Variants in SHANK2 observed in about 807,000 individuals in gnomAD.
SHANK2 encodes the protein SH3 and multiple ankyrin repeat domains protein 2.
A neutral mutation model predicts 133.7 loss-of-function variants in SHANK2; 43 were observed. The ratio of observed to expected loss-of-function variants is 0.32; its 90% confidence interval spans 0.25 to 0.41. The LOEUF (loss-of-function observed/expected upper bound fraction) is 0.41, where lower values mean the gene tolerates loss of function less well. Ranked by LOEUF, SHANK2 falls within the 10% of genes least tolerant of loss-of-function variation. The pLI, the probability that SHANK2 is intolerant of heterozygous loss-of-function variation, is 1.00. For missense variants in SHANK2, 1,994 were observed against 2,235.8 expected, an observed-to-expected ratio of 0.89 and a Z score of 2.18; for synonymous variants, 1,017 against 952.8, an observed-to-expected ratio of 1.07 and a Z score of -1.24.
intron 14 of SHANK2, among the ~76,000 whole-genome samples, chr11:70,781,584 T>TATATATATATA (rs1565311807): frequency 1.4e-4 from 2 of 14,502 alleles, no homozygotes; most frequent in African/African-American, 3.3e-4. Context: ...ATATATATAT[T>TATATATATATA]TACTTATTTA....
rs1555148581 is a variant in SHANK2, at chr11:70,471,693, A to G, written c.*1176T>C. On this transcript the variant is annotated 3_prime_UTR_variant, in exon 26 of 26. Transcript: ENST00000601538. This position sits in a 1 kb window ranked among gnomAD's most constrained non-coding sequence, Gnocchi z 4.1. ...GCTGGTGGGATTCCTAGACACCCAG[A>G]GCGATAGGGGAAAAGCCTCTAAGTA... is the stretch of plus-strand genomic sequence containing the variant. The G allele has an allele frequency of 9.7e-6, 3 of 309,492 alleles. No individual in the cohort carries two copies. The highest frequency in any genetic ancestry group is 6.4e-5 in the African/African-American group (3 of 46,970). 19.2% of individuals were successfully genotyped at this position (309,492 alleles called of 1,614,324 possible).
At chr11:71,185,828 G>A (rs1190786429) in intron 2 of SHANK2, among the ~76,000 whole-genome samples, 3 of 151,952 alleles carry the variant, frequency 2.0e-5, no homozygotes, top group Non-Finnish European at 2.9e-5. Context: ...CAAGGAAGAA[G>A]GTGAAGTTGC....
chr11:70,935,734 C>T (rs1950562311), intron 10 of SHANK2, among the ~76,000 whole-genome samples: 1 of 148,538 alleles, frequency 6.7e-6, no homozygotes, highest in African/African-American at 2.4e-5. Flanking sequence ...TCTGTCCTAA[C>T]TAGACACTTT....
chr11:70,832,590 A>C (rs1395738298), intron 11 of SHANK2, among the ~76,000 whole-genome samples: 1 of 152,198 alleles, frequency 6.6e-6, no homozygotes, highest in Non-Finnish European at 1.5e-5. Context: ...GAATTAACAG[A>C]GGGGGTGAGT....
rs549912475 is a variant in SHANK2, at chr11:70,569,071, A to G, written c.2062-66140T>C. ...ATGCAGGCCCCACTCCTGCCGCTGG[A>G]CTTACAGTGAACGGAGCCAGGAAAG... is the stretch of plus-strand genomic sequence containing the variant. On this transcript the variant is annotated intron_variant, in intron 17 of 25. Coordinates refer to ENST00000601538, the MANE Select transcript of SHANK2 (RefSeq NM_012309.5). This position sits in a 1 kb window ranked among gnomAD's most constrained non-coding sequence, Gnocchi z 5.1. 6.6e-6 allele frequency among the ~76,000 whole-genome samples: 1 copy of G among 152,244 alleles called. No individual in the cohort carries two copies. Among genetic ancestry groups the G allele is most frequent in the African/African-American group, 2.4e-5 (1 of 41,544 alleles).
chr11:71,207,176 T>A (rs1328848028), intron 2 of SHANK2, among the ~76,000 whole-genome samples: 1 of 138,708 alleles, frequency 7.2e-6, no homozygotes, highest in Non-Finnish European at 1.5e-5. Context: ...ACTTTAAAAT[T>A]CCTTTTTTTT....
At chr11:70,669,744 C>T (rs1167697535) in intron 15 of SHANK2, 2 of 152,398 alleles carry the variant, frequency 1.3e-5, no homozygotes, top group African/African-American at 2.4e-5. Flanking sequence ...ACGGGGTCAA[C>T]GTCACGACCC....
intron 17 of SHANK2, among the ~76,000 whole-genome samples, chr11:70,540,499 T>C (rs1240256472): frequency 2.0e-5 from 3 of 152,046 alleles, no homozygotes; most frequent in African/African-American, 7.3e-5. Context: ...CCTGGGAGTC[T>C]CATGTCCAGC....
At chr11:70,610,215 TGAAAA>T (rs1434464487) in intron 17 of SHANK2, among the ~76,000 whole-genome samples, 4 of 151,938 alleles carry the variant, frequency 2.6e-5, no homozygotes, top group African/African-American at 9.7e-5. Context: ...TTGACCACAA[TGAAAA>T]GAAAACAGTT....
chr11:70,712,859 A>C (rs576250019), intron 14 of SHANK2, among the ~76,000 whole-genome samples: 51 of 152,354 alleles, frequency 3.3e-4, no homozygotes, highest in African/African-American at 1.2e-3. Flanking sequence ...GCTGGAATTC[A>C]GCACCAACAA....
intron 17 of SHANK2, among the ~76,000 whole-genome samples, chr11:70,647,811 C>T (rs1440204498): frequency 6.6e-6 from 1 of 152,212 alleles, no homozygotes; most frequent in Admixed American, 6.5e-5. Context: ...GTGAACTCAG[C>T]ACTCACTGAA....
At chr11:71,134,981 C>G (rs782366089) in intron 3 of SHANK2, among the ~76,000 whole-genome samples, 1 of 152,164 alleles carries the variant, frequency 6.6e-6, no homozygotes, top group African/African-American at 2.4e-5. Context: ...CAAATACAAC[C>G]ATGGCCTCCT....
At chr11:70,571,874 G>T (rs1461074880) in intron 17 of SHANK2, among the ~76,000 whole-genome samples, 1 of 152,146 alleles carries the variant, frequency 6.6e-6, no homozygotes, top group African/African-American at 2.4e-5. Flanking sequence ...GTAGGGCTGG[G>T]TGCTGTGGGC....
chr11:70,539,525 C>A (rs2059589328), intron 17 of SHANK2, among the ~76,000 whole-genome samples: 1 of 127,186 alleles, frequency 7.9e-6, no homozygotes, highest in Non-Finnish European at 1.7e-5. Flanking sequence ...CCACGCTCAC[C>A]ACGCTCACTC....
chr11:70,714,489 G>A lies in SHANK2; in HGVS notation c.1778-15726C>T, dbSNP rs576594397. Reference sequence around the variant, plus strand: ...TAATCACTTATCAGATGTGGAAATCGAGGCACCGGAAGGTTAAATGGTATT... The same window carrying A: ...TAATCACTTATCAGATGTGGAAATCAAGGCACCGGAAGGTTAAATGGTATT... On this transcript the variant is annotated intron_variant, in intron 14 of 25. Coordinates refer to ENST00000601538, the MANE Select transcript of SHANK2 (RefSeq NM_012309.5). Among the ~76,000 whole-genome samples the A allele has an allele frequency of 2.6e-5, 4 of 152,312 alleles. No homozygotes were observed. In the South Asian group the frequency reaches 8.3e-4, roughly 32 times the overall value.
chr11:70,549,142 C>T (rs575976128), intron 17 of SHANK2, among the ~76,000 whole-genome samples: 100 of 152,298 alleles, frequency 6.6e-4, no homozygotes, highest in Non-Finnish European at 1.1e-3. Context: ...GCTGTGCACA[C>T]GGGGGCGCTC....
intron 1 of SHANK2, among the ~76,000 whole-genome samples, chr11:71,242,890 C>T (rs145101037): frequency 6.6e-6 from 1 of 152,160 alleles, no homozygotes; most frequent in Non-Finnish European, 1.5e-5. Context: ...TGTTCTCCAA[C>T]CACAATAGAA....
chr11:70,578,263 C>T (rs538001124), intron 17 of SHANK2, among the ~76,000 whole-genome samples: 2 of 152,288 alleles, frequency 1.3e-5, no homozygotes, highest in East Asian at 3.9e-4. Flanking sequence ...ACTGTACTTC[C>T]CAGAACCACA....
chr11:70,623,279 C>T (rs573118872), intron 17 of SHANK2, among the ~76,000 whole-genome samples: 8 of 152,110 alleles, frequency 5.3e-5, no homozygotes, highest in Admixed American at 3.3e-4. Context: ...TCCAGGTCCC[C>T]GGGCGGTTTT....
Sources: gnomAD v4.1 joint callset for allele counts (sites outside exome capture counted in the v4.1 genomes callset) on GRCh38, gnomAD v4.1.1 for gene constraint, Gnocchi (gnomAD v3.1) non-coding constraint, MANE v1.5 for transcripts, NCBI Gene and HGNC (gene_info 2026-07-23, HGNC 2026-07-21) for gene names.